NOTCH2: variants seen among roughly 807,000 people sequenced by gnomAD.
NOTCH2 encodes the protein notch receptor 2.
A neutral mutation model predicts 235.8 loss-of-function variants in NOTCH2; 29 were observed. The ratio of observed to expected loss-of-function variants is 0.12; its 90% CI spans 0.09 to 0.17. The LOEUF is 0.17. Ranked by LOEUF, NOTCH2 falls within the 10% of genes least tolerant of loss-of-function variation. The pLI is 1.00. For synonymous variants in NOTCH2, 1,086 were observed against 1,141.5 expected (o/e 0.95, Z 0.98); for missense variants, 2,285 against 3,150.2 (o/e 0.73, Z 6.57).
rs1467159619 is a variant in NOTCH2 at position 119,914,752 on chromosome 1, T to G, written c.*554A>C. 2 of 249,482 alleles carry G rather than the reference T, an allele frequency of 8.0e-6. No individual in the cohort carries two copies. Among genetic ancestry groups the G allele is most frequent in the Non-Finnish European group, 1.6e-5 (2 of 126,538 alleles). The allele number at this position is 249,482 out of a possible 1,614,324, so 15.5% of individuals were successfully genotyped here. On this transcript the variant is annotated 3_prime_UTR_variant, in exon 34 of 34. Coordinates refer to ENST00000256646, the MANE Select transcript of NOTCH2 (RefSeq NM_024408.4). Reference sequence around the variant, plus strand: ...GGAAAGGAGACCAAAGTTGCTTTCATGGGCCAGAATGATCAAAAGCACAAA... The same window carrying G: ...GGAAAGGAGACCAAAGTTGCTTTCAGGGGCCAGAATGATCAAAAGCACAAA...
chr1:119,929,994 T>C (rs940176652), intron 22 of NOTCH2, among the ~76,000 whole-genome samples: 2 of 152,242 alleles, frequency 1.3e-5, no homozygotes, highest in Non-Finnish European at 2.9e-5. Flanking sequence ...TACTTACCAT[T>C]GTGTTATAAT....
At position 119,965,514 on chromosome 1, in the gene NOTCH2, C is replaced by T. The variant is rs370453906; in HGVS notation, c.1620G>A (p.Pro540=). 1.2e-4 allele frequency: 195 copies of T among 1,613,942 alleles called. No homozygotes were observed. Among genetic ancestry groups the T allele is most frequent in the Non-Finnish European group, 1.6e-4 (187 of 1,179,922 alleles). Residue 540 remains proline (P), a synonymous_variant, in exon 10 of 34, where the codon CCG becomes CCA. Coordinates refer to ENST00000256646, the MANE Select transcript of NOTCH2 (RefSeq NM_024408.4). ...QIDIDDCSST[P]CLNGAKCIDH... ...CGATACACTTTGCCCCATTCAGACACGGAGTACTGGAACAGTCATCAATAT... is the reference window on the plus strand; with the variant it reads ...CGATACACTTTGCCCCATTCAGACATGGAGTACTGGAACAGTCATCAATAT...
chr1:119,933,888 G>A (rs942048882), intron 22 of NOTCH2, among the ~76,000 whole-genome samples: 9 of 152,144 alleles, frequency 5.9e-5, no homozygotes, highest in Admixed American at 3.3e-4. Flanking sequence ...AATATACTGC[G>A]AGGGATAGTG....
chr1:119,978,600 C>T (rs1369794275), intron 5 of NOTCH2, among the ~76,000 whole-genome samples: 1 of 152,232 alleles, frequency 6.6e-6, no homozygotes, highest in African/African-American at 2.4e-5. Context: ...CATCCAGGCT[C>T]AGCCACTGGG....
intron 32 of NOTCH2, 88 bp from the exon 33 acceptor site, chr1:119,917,850 C>A: frequency 1.2e-6 from 1 of 848,082 alleles, no homozygotes; most frequent in Non-Finnish European, 2.0e-6. Flanking sequence ...TTAAACTCCC[C>A]AGAGATCAGC....
chr1:119,966,657 G>A (rs1651149159), intron 8 of NOTCH2, among the ~76,000 whole-genome samples, 168 bp from the exon 9 acceptor site: 1 of 152,122 alleles, frequency 6.6e-6, no homozygotes, highest in South Asian at 2.1e-4. Context: ...GTGTCAAGCA[G>A]GACAGGGCAT....
intron 33 of NOTCH2, among the ~76,000 whole-genome samples, chr1:119,917,036 A>AAGGAGTTAGAAATAAGAAAGGTAGGAAT (rs1308731178): frequency 6.6e-6 from 1 of 152,182 alleles, no homozygotes. Context: ...GGTTAAGGAA[A>AAGGAGTTAGAAATAAGAAAGGTAGGAAT]AGGAGTTAGA....
At chr1:119,985,182 G>A (rs1265960891) in intron 5 of NOTCH2, among the ~76,000 whole-genome samples, 1 of 151,962 alleles carries the variant, frequency 6.6e-6, no homozygotes, top group Non-Finnish European at 1.5e-5. Context: ...GATGGGCAGG[G>A]CAAAAACAAG....
rs1216357911 is a variant in NOTCH2, at chr1:119,916,399, G to A, written c.6323C>T (p.Ala2108Val). 2.5e-6 allele frequency: 4 copies of A among 1,614,038 alleles called. No individual in the cohort carries two copies. The highest frequency in any genetic ancestry group is 3.4e-6 in the Non-Finnish European group (4 of 1,180,030). Residue 2108 changes from alanine (A) to valine (V), a missense_variant, in exon 34 of 34, where the codon GCC (alanine) becomes GTC (valine). Physicochemically the swap from Ala to Val is moderately conservative, Grantham distance 64 (BLOSUM62 0). Around this residue, in one of 6 missense-constraint regions of NOTCH2, gnomAD observed 504 missense variants for 538.0 expected, o/e 0.94. Transcript: ENST00000256646. ...GAGGCTAGTAGGCATGGTACTCTTG[G>A]CACTGGGCCGTCTAGACTTCTTGCC... ...PMGKKSRRPS[A>V]KSTMPTSLPN...
At chr1:119,971,545 G>A (rs992279907) in intron 5 of NOTCH2, among the ~76,000 whole-genome samples, 1 of 152,152 alleles carries the variant, frequency 6.6e-6, no homozygotes, top group Non-Finnish European at 1.5e-5. Context: ...AGAGAGCCAG[G>A]CACAGTGGCT....
At position 119,963,702 on chromosome 1, in the gene NOTCH2, T is replaced by A. The variant is rs782709024; in HGVS notation, c.1787A>T (p.Asn596Ile). The part of the protein sequence containing the change: ...DGIDSYTCIC[N>I]PGYMGAICSD... ...GCAGATGGCGCCCATGTACCCGGGA[T>A]TGCAGATGCAGGTGTAGGAATCAAT... Residue 596 changes from asparagine to isoleucine, a missense_variant, in exon 11 of 34, where the codon AAT (asparagine) becomes ATT (isoleucine). By Grantham distance (149) the Asn-to-Ile change is moderately radical. Around this residue, in one of 6 missense-constraint regions of NOTCH2, gnomAD observed 431 missense variants for 757.8 expected, o/e 0.57. Coordinates refer to ENST00000256646, the MANE Select transcript of NOTCH2 (RefSeq NM_024408.4). 1.2e-6 allele frequency: 2 copies of A among 1,613,962 alleles called. No homozygotes were observed. Among genetic ancestry groups the A allele is most frequent in the African/African-American group, 1.3e-5 (1 of 74,926 alleles).
At chr1:119,926,456 GAA>G (rs1557807120) in intron 24 of NOTCH2, 41 bp downstream of exon 24, 5 of 1,368,714 alleles carry the variant, frequency 3.7e-6, no homozygotes, top group Non-Finnish European at 4.1e-6. Flanking sequence ...AGATTGTATG[GAA>G]GAGACAATGC....
At chr1:119,944,563 A>G (rs1553196842) in intron 17 of NOTCH2, among the ~76,000 whole-genome samples, 1 of 150,984 alleles carries the variant, frequency 6.6e-6, no homozygotes, top group East Asian at 1.9e-4. Flanking sequence ...AAAGACCACC[A>G]CACCAACAGG....
chr1:120,000,000 G>GAAGGAAGGAAGGAAGGGAGA, intron 3 of NOTCH2, among the ~76,000 whole-genome samples: 3 of 139,238 alleles, frequency 2.2e-5, no homozygotes, highest in Non-Finnish European at 4.5e-5. Context: ...AGGAAGGAAG[G>GAAGGAAGGAAGGAAGGGAGA]AAGGAAGGAA....
chr1:119,945,883 C>T (rs1002808786), intron 17 of NOTCH2, among the ~76,000 whole-genome samples: 42 of 151,948 alleles, frequency 2.8e-4, no homozygotes, highest in African/African-American at 9.4e-4. Flanking sequence ...TAACACTACC[C>T]TATCCAATTT....
At chr1:120,010,286 T>TC (rs1653133893) in intron 2 of NOTCH2, among the ~76,000 whole-genome samples, 2 of 152,152 alleles carry the variant, frequency 1.3e-5, no homozygotes, top group South Asian at 4.1e-4. Flanking sequence ...TTTCCAGCCA[T>TC]CCTTGGAATA....
chr1:119,916,256 A>G lies in NOTCH2; in HGVS notation c.6466T>C (p.Ser2156Pro). 1 of 1,614,178 alleles carries G rather than the reference A, an allele frequency of 6.2e-7. No homozygotes were observed. The highest frequency in any genetic ancestry group is 8.5e-7 in the Non-Finnish European group (1 of 1,180,024). Residue 2156 changes from serine to proline, a missense_variant, in exon 34 of 34, where the codon TCT becomes CCT. Coordinates refer to ENST00000256646, the MANE Select transcript of NOTCH2 (RefSeq NM_024408.4). ...VTLSPVDSLE[S>P]PHTYVSDTTS... ...GTGTCGGAAACATACGTGTGAGGAG[A>G]TTCTAGGGAATCAACAGGGGATAAA...
At chr1:120,004,687 A>G (rs587628915) in intron 3 of NOTCH2, among the ~76,000 whole-genome samples, 2 of 152,322 alleles carry the variant, frequency 1.3e-5, no homozygotes, top group African/African-American at 4.8e-5. Context: ...TTCTAAAAGC[A>G]AATAGTCAAT....
chr1:119,968,290 G>C (rs1226677290), intron 6 of NOTCH2, 58 bp from the exon 7 acceptor site: 3 of 1,561,220 alleles, frequency 1.9e-6, no homozygotes, highest in Admixed American at 1.7e-5. Flanking sequence ...TTGGGGAAGA[G>C]CTTTCTCTTT....
Sources: gnomAD v4.1 joint callset for allele counts (sites outside exome capture counted in the v4.1 genomes callset) on GRCh38, gnomAD v4.1.1 for gene constraint, gnomAD v4.1.1 regional missense constraint, MANE v1.5 for transcripts, NCBI Gene and HGNC (gene_info 2026-07-23, HGNC 2026-07-21) for gene names.